GPC5: variants seen among roughly 807,000 people sequenced by gnomAD.
GPC5 encodes the protein glypican 5.
Under a neutral mutation model 53.9 loss-of-function variants are expected in GPC5, and 47 were observed. The ratio of observed to expected loss-of-function variants is 0.87; its 90% CI spans 0.69 to 1.11. The LOEUF (loss-of-function observed/expected upper bound fraction) is 1.11, where lower values mean the gene tolerates loss of function less well. Among genes scored for constraint, GPC5 ranks in the 50% most tolerant of loss-of-function variants. The pLI, the probability that GPC5 is intolerant of heterozygous loss-of-function variation, is 0.00. For missense variants in GPC5, 748 were observed against 713.1 expected (o/e 1.05, Z -0.56); for synonymous variants, 286 against 263.3 (o/e 1.09, Z -0.84).
At chr13:92,602,115 GTAT>G (rs1379890329) in intron 7 of GPC5, among the ~76,000 whole-genome samples, 2 of 145,122 alleles carry the variant, frequency 1.4e-5, no homozygotes, top group Non-Finnish European at 3.0e-5. Flanking sequence ...ATTAATGAAA[GTAT>G]TATATACATA....
chr13:92,800,926 A>G (rs1454920931), intron 7 of GPC5, among the ~76,000 whole-genome samples: 3 of 151,696 alleles, frequency 2.0e-5, no homozygotes, highest in Non-Finnish European at 4.4e-5. Flanking sequence ...TTGCTTGTAT[A>G]TTGTTGTGTC....
At chr13:92,308,832 T>A (rs2043127860) in intron 7 of GPC5, among the ~76,000 whole-genome samples, 1 of 152,144 alleles carries the variant, frequency 6.6e-6, no homozygotes, top group Non-Finnish European at 1.5e-5. Context: ...TTCTTCTTTC[T>A]TAGCACAAAG....
intron 7 of GPC5, among the ~76,000 whole-genome samples, chr13:92,341,981 C>T (rs2043370710): frequency 6.6e-6 from 1 of 152,072 alleles, no homozygotes; most frequent in South Asian, 2.1e-4. Flanking sequence ...CATACAAGCT[C>T]ATAATTTGCC....
intron 7 of GPC5, among the ~76,000 whole-genome samples, chr13:92,207,880 G>T (rs140258692): frequency 5.3e-5 from 8 of 152,178 alleles, no homozygotes; most frequent in Non-Finnish European, 1.2e-4. Context: ...AGGTATGCAA[G>T]TCCAGTCCGG....
intron 7 of GPC5, among the ~76,000 whole-genome samples, chr13:92,164,386 G>A (rs61066809): frequency 0.012 from 1,832 of 152,208 alleles, 53 homozygotes; most frequent in African/African-American, 0.041. Context: ...GGGAGAAATT[G>A]GCCAAAATGA....
intron 7 of GPC5, among the ~76,000 whole-genome samples, chr13:92,815,362 C>G (rs1267785720): frequency 6.6e-6 from 1 of 151,904 alleles, no homozygotes; most frequent in African/African-American, 2.4e-5. Context: ...TAGAGGAGAG[C>G]CTGCCAGGCA....
chr13:91,615,599 A>T (rs1432856680), intron 2 of GPC5, among the ~76,000 whole-genome samples: 2 of 152,144 alleles, frequency 1.3e-5, no homozygotes, highest in East Asian at 3.9e-4. Flanking sequence ...ATTGACAGTT[A>T]CCATACGTTT....
At chr13:91,724,663 A>G (rs1305258109) in intron 3 of GPC5, among the ~76,000 whole-genome samples, 3 of 152,028 alleles carry the variant, frequency 2.0e-5, no homozygotes, top group East Asian at 1.9e-4. Context: ...AGCCCTGGCA[A>G]CATAGTGAGA....
Position 92,552,446 on chromosome 13 carries a change from A to T in GPC5, c.1562-313836A>T, listed in dbSNP as rs114768555. On this transcript the variant is annotated intron_variant, in intron 7 of 7. Transcript: ENST00000377067. ...TCAATTTTATATTTGAAGAGCAAGA[A>T]AATTAAAATAAAACTAAGTTACTTT... 8.8e-3 allele frequency among the ~76,000 whole-genome samples: 1,344 copies of T among 152,104 alleles called. 18 individuals are homozygous for T. Among genetic ancestry groups the T allele is most frequent in the African/African-American group, 0.031 (1,287 of 41,556 alleles).
At chr13:92,724,237 T>C (rs374381103) in intron 7 of GPC5, among the ~76,000 whole-genome samples, 10 of 151,634 alleles carry the variant, frequency 6.6e-5, no homozygotes, top group Admixed American at 4.6e-4. Context: ...GTTAGGTTTT[T>C]ATTTTTAAGC....
At chr13:91,622,248 A>G (rs1272637272) in intron 2 of GPC5, among the ~76,000 whole-genome samples, 1 of 152,120 alleles carries the variant, frequency 6.6e-6, no homozygotes, top group African/African-American at 2.4e-5. Context: ...CCTTCAATCC[A>G]ATCAAGTTGA....
At chr13:91,494,356 A>C (rs559696926) in intron 2 of GPC5, among the ~76,000 whole-genome samples, 5 of 132,406 alleles carry the variant, frequency 3.8e-5, no homozygotes, top group Non-Finnish European at 7.8e-5. Flanking sequence ...ATTTTTATTA[A>C]TTATTATTAT....
At chr13:91,641,339 A>C (rs1337520727) in intron 2 of GPC5, among the ~76,000 whole-genome samples, 1 of 152,164 alleles carries the variant, frequency 6.6e-6, no homozygotes, top group Non-Finnish European at 1.5e-5. Context: ...AAAACAAATC[A>C]AAACAAAACA....
At chr13:92,619,100 TAAAG>T (rs1441891825) in intron 7 of GPC5, among the ~76,000 whole-genome samples, 15 of 151,860 alleles carry the variant, frequency 9.9e-5, no homozygotes, top group Admixed American at 9.2e-4. Context: ...TTTAAAATAA[TAAAG>T]AAAATACTTA....
intron 5 of GPC5, among the ~76,000 whole-genome samples, chr13:91,888,561 G>A (rs549952338): frequency 1.2e-3 from 180 of 152,258 alleles, no homozygotes; most frequent in Non-Finnish European, 2.0e-3. Context: ...GAGACTTCTA[G>A]TATCTTGTCT....
intron 3 of GPC5, 90 bp downstream of exon 3, chr13:91,693,971 T>C: frequency 1.1e-6 from 1 of 945,478 alleles, no homozygotes; most frequent in Non-Finnish European, 1.6e-6. Flanking sequence ...AGAATGTGTC[T>C]GTTGATATAT....
At chr13:91,566,872 T>C (rs1024512850) in intron 2 of GPC5, among the ~76,000 whole-genome samples, 3 of 152,000 alleles carry the variant, frequency 2.0e-5, no homozygotes, top group Non-Finnish European at 4.4e-5. Flanking sequence ...GAGTAAATAT[T>C]CATCAAAATA....
chr13:91,778,065 T>A (rs2037739520), intron 5 of GPC5, among the ~76,000 whole-genome samples: 1 of 149,752 alleles, frequency 6.7e-6, no homozygotes, highest in Non-Finnish European at 1.5e-5. Flanking sequence ...AAGGATCCTT[T>A]CAAATACACA....
chr13:92,382,972 C>CA (rs2043762301), intron 7 of GPC5, among the ~76,000 whole-genome samples: 1 of 143,094 alleles, frequency 7.0e-6, no homozygotes, highest in East Asian at 2.0e-4. Flanking sequence ...CACTGCACTC[C>CA]AGCCTGGGCT....
Sources: allele counts gnomAD v4.1 joint callset (sites outside exome capture counted in the v4.1 genomes callset), GRCh38; gene constraint gnomAD v4.1.1; transcripts MANE v1.5; gene names NCBI Gene and HGNC (gene_info 2026-07-23, HGNC 2026-07-21).